FREM3: variants seen among roughly 807,000 people sequenced by gnomAD.
FREM3 encodes the protein FRAS1 related extracellular matrix 3, also known as FRAS1-related extracellular matrix protein 3.
A neutral mutation model predicts 129.1 loss-of-function variants in FREM3; 105 were observed. The observed-to-expected ratio is 0.81, with a 90% CI of 0.69 to 0.96. FREM3 has a LOEUF of 0.96. FREM3 is among the 40% of genes least tolerant of loss of function. FREM3 has a pLI of 0.00. For synonymous variants in FREM3, 1,014 were observed against 1,044.9 expected, an observed-to-expected ratio of 0.97 and a Z score of 0.57; for missense variants, 2,593 against 2,666.3, an observed-to-expected ratio of 0.97 and a Z score of 0.61.
Position 143,624,117 on chromosome 4 carries a change from G to A in FREM3, c.5644C>T (p.Pro1882Ser), listed in dbSNP as rs562316083. 1.3e-6 allele frequency: 2 copies of A among 1,517,928 alleles called. No individual in the cohort carries two copies. Among genetic ancestry groups the A allele is most frequent in the East Asian group, 2.5e-5 (1 of 40,810 alleles). The allele number at this position is 1,517,928 out of a possible 1,614,324, so 94.0% of individuals were successfully genotyped here. A position where few individuals can be genotyped will look rare whatever the true frequency, so the allele number is the denominator to read the frequency against. ...PEMATVEIVD[P>S]GDESTVYIPE... ...AATCAGTGTCACATACCATCTCCAG[G>A]GTCTACAATTTCAACCGTTGCCATT... is the stretch of plus-strand genomic sequence containing the variant. The change falls in exon 4 of 8, where the codon CCT (proline) becomes TCT (serine). Residue 1882 changes from proline (P) to serine (S), a missense_variant. Pro to Ser is a moderately conservative substitution (Grantham distance 74). Coordinates refer to ENST00000329798, the MANE Select transcript of FREM3 (RefSeq NM_001168235.2).
intron 2 of FREM3, among the ~76,000 whole-genome samples, chr4:143,662,541 G>GA (rs901483983): frequency 6.7e-6 from 1 of 149,176 alleles, no homozygotes; most frequent in Non-Finnish European, 1.5e-5. Flanking sequence ...GTGTGGTGCG[G>GA]AAAAAAATGT....
chr4:143,613,712 T>C (rs1299153541), intron 5 of FREM3, among the ~76,000 whole-genome samples: 1 of 152,236 alleles, frequency 6.6e-6, no homozygotes, highest in Non-Finnish European at 1.5e-5. Context: ...AACACAGTTC[T>C]CAATTTTGCC....
At chr4:143,634,335 G>C (rs1739197706) in intron 2 of FREM3, among the ~76,000 whole-genome samples, 1 of 152,066 alleles carries the variant, frequency 6.6e-6, no homozygotes, top group Admixed American at 6.6e-5. Flanking sequence ...AATATATATT[G>C]TACAATCTTT....
At chr4:143,687,990 A>C (rs151059905) in intron 2 of FREM3, among the ~76,000 whole-genome samples, 2,320 of 152,310 alleles carry the variant, frequency 0.015, 28 homozygotes, top group Middle Eastern at 0.031. Flanking sequence ...CCTCTTCAAC[A>C]TAGTACTGGA....
chr4:143,675,193 T>G (rs1158221463), intron 2 of FREM3, among the ~76,000 whole-genome samples: 1 of 152,156 alleles, frequency 6.6e-6, no homozygotes, highest in Non-Finnish European at 1.5e-5. Context: ...AAACAGTCTC[T>G]CAGACCACAG....
rs192194956 is a variant in FREM3 at position 143,631,182 on chromosome 4, A to G, written c.5276-3422T>C. ...CTGCTAAAAAGGTTCTTTTATTCCA[A>G]TTAAATGTGAATTTGTGCCAAAGAC... is the stretch of plus-strand genomic sequence containing the variant. On this transcript the variant is annotated intron_variant, in intron 2 of 7. Transcript: ENST00000329798. Among the ~76,000 whole-genome samples, 145 of 152,262 alleles carry G rather than the reference A, an allele frequency of 9.5e-4. 2 individuals are homozygous for G. Among genetic ancestry groups the G allele is most frequent in the African/African-American group, 3.3e-3 (138 of 41,572 alleles).
chr4:143,695,971 C>T lies in FREM3; in HGVS notation c.4705G>A (p.Asp1569Asn). 6.5e-7 allele frequency: 1 copy of T among 1,537,852 alleles called. No individual in the cohort carries two copies. Among genetic ancestry groups the T allele is most frequent in the Non-Finnish European group, 8.7e-7 (1 of 1,147,040 alleles). ...ELTVEDSDTPDDLILFTITQV... is the reference protein window; with the variant it reads ...ELTVEDSDTPNDLILFTITQV... ...GTGATGGTAAAGAGAATAAGGTCAT[C>T]TGGGGTATCACTGTCTTCCACTGTC... The change falls in exon 1 of 8, where the codon GAT (aspartate) becomes AAT (asparagine). Residue 1569 changes from aspartate to asparagine, a missense_variant. By Grantham distance (23) the Asp-to-Asn change is conservative. This residue lies in a region of FREM3 where 2,276 missense variants were observed against 2,267.2 expected (regional missense o/e 1.00). Transcript: ENST00000329798.
chr4:143,700,246 G>A lies in FREM3; in HGVS notation c.430C>T (p.Arg144Cys). 2 of 1,536,686 alleles carry A rather than the reference G, an allele frequency of 1.3e-6. No individual in the cohort carries two copies. The highest frequency in any genetic ancestry group is 1.4e-5 in the African/African-American group (1 of 73,162). Residue 144 changes from arginine to cysteine, a missense_variant, in exon 1 of 8, where the codon CGC (arginine) becomes TGC (cysteine). Physicochemically the swap from Arg to Cys is radical, Grantham distance 180. This residue lies in a region of FREM3 where 2,276 missense variants were observed against 2,267.2 expected (regional missense o/e 1.00). Transcript: ENST00000329798. ...AGAGTGTGAGTCGGGGCGTCGTAGC[G>A]CAGCTGCAGCAGCACCCGGGCGCGT... ...PGRARVLLQL[R>C]YDAPTHTLVL...
rs192783290 is a variant in FREM3, at chr4:143,667,436, G to C, written c.5275+25677C>G. Among the ~76,000 whole-genome samples the C allele has an allele frequency of 3.2e-4, 48 of 151,814 alleles. No homozygotes were observed. The East Asian group carries it at 9.1e-3, about 29-fold the overall frequency. On this transcript the variant is annotated intron_variant, in intron 2 of 7. Transcript: ENST00000329798. ...TAAATCAAACTACTTTAAAAAAAAAGGAACTGGGAAATCTATTACAAGTCT... is the reference window on the plus strand; with the variant it reads ...TAAATCAAACTACTTTAAAAAAAAACGAACTGGGAAATCTATTACAAGTCT...
At position 143,621,087 on chromosome 4, in the gene FREM3, C is replaced by G. The variant is rs190273547; in HGVS notation, c.5729G>C (p.Arg1910Pro). Residue 1910 changes from arginine (R) to proline (P), a missense_variant, in exon 5 of 8, where the codon CGA (arginine) becomes CCA (proline). By Grantham distance (103) the Arg-to-Pro change is moderately radical. Around this residue, in one of 2 missense-constraint regions of FREM3, gnomAD observed 317 missense variants for 399.0 expected, o/e 0.79. Coordinates refer to ENST00000329798, the MANE Select transcript of FREM3 (RefSeq NM_001168235.2). ...DIGELLIPVR[R>P]SGDASQELIV... ...TAGTTCCTGGCTTGCATCTCCAGAT[C>G]GTCTTACTGGAATCAAAAGTTCCCC... 3 of 1,536,928 alleles carry G rather than the reference C, an allele frequency of 2.0e-6. No individual in the cohort carries two copies. Among genetic ancestry groups the G allele is most frequent in the Admixed American group, 3.9e-5 (2 of 50,974 alleles).
Position 143,621,171 on chromosome 4 carries a change from G to C in FREM3, c.5654-9C>G, listed in dbSNP as rs1376459424. The C allele has an allele frequency of 2.6e-6, 4 of 1,536,668 alleles. No individual in the cohort carries two copies. In the African/African-American group the frequency reaches 4.1e-5, roughly 16 times the overall value. ...AATATAAACTGTTGATTCTAGAAAA[G>C]ATGGCAGAAGACTTTTCACCAAGAT... On this transcript the variant is annotated splice_polypyrimidine_tract_variant and intron_variant, in intron 4 of 7. Coordinates refer to ENST00000329798, the MANE Select transcript of FREM3 (RefSeq NM_001168235.2).
Position 143,652,133 on chromosome 4 carries a change from G to A in FREM3, c.5276-24373C>T, listed in dbSNP as rs568295557. Reference sequence around the variant, plus strand: ...TTAAAAATAACTATTCATTCAAATGGTCTTTTTCCTTTCTTTTTTTTTTTT... The same window carrying A: ...TTAAAAATAACTATTCATTCAAATGATCTTTTTCCTTTCTTTTTTTTTTTT... On this transcript the variant is annotated intron_variant, in intron 2 of 7. Coordinates refer to ENST00000329798, the MANE Select transcript of FREM3 (RefSeq NM_001168235.2). Among the ~76,000 whole-genome samples, 2 of 141,022 alleles carry A rather than the reference G, an allele frequency of 1.4e-5. 1 individual carries two copies. Among genetic ancestry groups the A allele is most frequent in the Admixed American group, 1.5e-4 (2 of 13,566 alleles). The allele number at this position is 141,022 out of a possible 152,430, so 92.5% of individuals were successfully genotyped here.
intron 2 of FREM3, among the ~76,000 whole-genome samples, chr4:143,628,163 G>A (rs1487484418): frequency 6.6e-6 from 1 of 152,026 alleles, no homozygotes; most frequent in Non-Finnish European, 1.5e-5. Flanking sequence ...TATATTATTT[G>A]AGCATCCATT....
At position 143,700,360 on chromosome 4, in the gene FREM3, G is replaced by T. The variant is rs768876434; in HGVS notation, c.316C>A (p.Leu106Ile). ...CGGCGCGGGGAGAGCGCGCCCTTGAGCCGCGGCAGGGCGTCCAGTACCGTG... is the reference window on the plus strand; with the variant it reads ...CGGCGCGGGGAGAGCGCGCCCTTGATCCGCGGCAGGGCGTCCAGTACCGTG... ...EVTVLDALPR[L>I]KGALSPRRFP... The change falls in exon 1 of 8, where the codon CTC (leucine) becomes ATC (isoleucine). Residue 106 changes from leucine to isoleucine, a missense_variant. Leu to Ile is a conservative substitution (Grantham distance 5). Coordinates refer to ENST00000329798, the MANE Select transcript of FREM3 (RefSeq NM_001168235.2). The T allele has an allele frequency of 5.2e-6, 8 of 1,534,902 alleles. No individual in the cohort carries two copies. The South Asian group carries it at 9.5e-5, about 18-fold the overall frequency.
At chr4:143,631,504 T>A (rs557836393) in intron 2 of FREM3, among the ~76,000 whole-genome samples, 1 of 152,170 alleles carries the variant, frequency 6.6e-6, no homozygotes, top group Non-Finnish European at 1.5e-5. Context: ...TTACAATGCC[T>A]GGCTAATTCT....
chr4:143,693,174 A>T lies in FREM3; in HGVS notation c.5214T>A (p.Tyr1738Ter). ...QADIDEMKIS[Y>*]VLNEGSNASK... is the part of the protein sequence containing the mutation. The stretch of plus-strand genomic sequence containing the variant: ...ATGCGTTGCTGCCCTCATTCAAGAC[A>T]TAGGATATCTTCATCTCATCAATGT... The change falls in exon 2 of 8, where the codon TAT becomes TAA. Residue 1738 changes from tyrosine (Y) to a stop codon, truncating the protein, a stop_gained. Transcript: ENST00000329798. LOFTEE classifies it high-confidence loss of function. 2 of 1,516,580 alleles carry T rather than the reference A, an allele frequency of 1.3e-6. No homozygotes were observed. The highest frequency in any genetic ancestry group is 1.8e-6 in the Non-Finnish European group (2 of 1,135,148). The allele number at this position is 1,516,580 out of a possible 1,614,324, so 93.9% of individuals were successfully genotyped here.
chr4:143,666,812 A>G (rs1346226629), intron 2 of FREM3, among the ~76,000 whole-genome samples: 1 of 152,182 alleles, frequency 6.6e-6, no homozygotes, highest in Non-Finnish European at 1.5e-5. Flanking sequence ...GTTGCATAAC[A>G]TTGTAAATAT....
rs180906949 is a variant in FREM3, at chr4:143,664,415, C to T, written c.5275+28698G>A. On this transcript the variant is annotated intron_variant, in intron 2 of 7. Coordinates refer to ENST00000329798, the MANE Select transcript of FREM3 (RefSeq NM_001168235.2). ...CAGAACAGCACATTTTTGTGAACCA[C>T]GAATGCTGCTGTCTGATCGTTCCTC... Among the ~76,000 whole-genome samples the T allele has an allele frequency of 2.0e-3, 309 of 152,216 alleles. 5 individuals carry two copies. The highest frequency in any genetic ancestry group is 3.2e-3 in the African/African-American group (132 of 41,570).
intron 2 of FREM3, among the ~76,000 whole-genome samples, chr4:143,647,609 A>G (rs1228796827): frequency 6.6e-6 from 1 of 152,180 alleles, no homozygotes; most frequent in Non-Finnish European, 1.5e-5. Flanking sequence ...GCCAACATAC[A>G]GCGCAGGCCA....
Sources: allele counts gnomAD v4.1 joint callset (sites outside exome capture counted in the v4.1 genomes callset), GRCh38; gene constraint gnomAD v4.1.1; regional missense constraint gnomAD v4.1.1; transcripts MANE v1.5; gene names NCBI Gene and HGNC (gene_info 2026-07-23, HGNC 2026-07-21).